HPS1: variants seen among roughly 807,000 people sequenced by gnomAD.
HPS1 encodes the protein HPS1 biogenesis of lysosomal organelles complex 3 subunit 1.
HPS1 carries 59 observed loss-of-function variants against 90.6 expected under a neutral mutation model. That is an observed-to-expected ratio of 0.65 (90% confidence interval 0.53 to 0.81). The LOEUF (loss-of-function observed/expected upper bound fraction) is 0.81, where lower values mean the gene tolerates loss of function less well. HPS1 is among the 30% of genes least tolerant of loss of function. HPS1 has a pLI of 0.00. For missense variants in HPS1, 849 were observed against 896.7 expected (o/e 0.95, Z 0.68); for synonymous variants, 388 against 384.4 (o/e 1.01, Z -0.11).
At chr10:98,420,892 G>A (rs531093434) in intron 17 of HPS1, among the ~76,000 whole-genome samples, 2 of 152,286 alleles carry the variant, frequency 1.3e-5, no homozygotes, top group East Asian at 3.9e-4. Context: ...GATGGCACAG[G>A]TGAGTGACCC....
intron 16 of HPS1, 76 bp from the exon 17 acceptor site, chr10:98,422,589 C>T: frequency 1.4e-6 from 2 of 1,475,136 alleles, no homozygotes; most frequent in Non-Finnish European, 9.5e-7. Flanking sequence ...TCTAGCTGTG[C>T]CCAGTCATGG....
intron 18 of HPS1, among the ~76,000 whole-genome samples, 181 bp from the exon 19 acceptor site, chr10:98,418,438 G>A (rs1844406651): frequency 6.6e-6 from 1 of 152,186 alleles, no homozygotes; most frequent in African/African-American, 2.4e-5. Flanking sequence ...GAACATTAGA[G>A]AAAAAGTATA....
At chr10:98,414,954 A>G, downstream of HPS1, 4 of 1,582,478 alleles carry the variant, frequency 2.5e-6, no homozygotes, top group Non-Finnish European at 3.4e-6. Flanking sequence ...CCAAGCTCTG[A>G]GCAGGGCTGT....
intron 6 of HPS1, 85 bp downstream of exon 6, chr10:98,433,898 T>G: frequency 1.3e-6 from 2 of 1,529,252 alleles, no homozygotes; most frequent in South Asian, 2.4e-5. Flanking sequence ...CTTCATTCAT[T>G]AGGGTTAAAA....
At position 98,431,218 on chromosome 10, in the gene HPS1, G is replaced by A; in HGVS notation, c.581C>T (p.Ala194Val). The A allele has an allele frequency of 1.9e-6, 3 of 1,614,088 alleles. No individual in the cohort carries two copies. Among genetic ancestry groups the A allele is most frequent in the Non-Finnish European group, 2.5e-6 (3 of 1,180,036 alleles). ...IEALERHVIQAVNTSPERGGE... is the reference protein window; with the variant it reads ...IEALERHVIQVVNTSPERGGE... ...TCCCCGCTCGGGGCTGGTGTTGACAGCCTGGATGACGTGCCGCTCCAGCGC... is the reference window on the plus strand; with the variant it reads ...TCCCCGCTCGGGGCTGGTGTTGACAACCTGGATGACGTGCCGCTCCAGCGC... The change falls in exon 7 of 20, where the codon GCT becomes GTT. Residue 194 changes from alanine to valine, a missense_variant. Ala to Val is a moderately conservative substitution (Grantham distance 64, BLOSUM62 0). Coordinates refer to ENST00000361490, the MANE Select transcript of HPS1 (RefSeq NM_000195.5).
chr10:98,434,656 G>A (rs1232674300), intron 5 of HPS1, among the ~76,000 whole-genome samples: 4 of 151,928 alleles, frequency 2.6e-5, no homozygotes, highest in South Asian at 2.1e-4. Context: ...TTCACACTCC[G>A]CAGCTTCCCA....
At chr10:98,424,573 C>T (rs573287596) in intron 13 of HPS1, among the ~76,000 whole-genome samples, 199 bp from the exon 14 acceptor site, 2 of 151,854 alleles carry the variant, frequency 1.3e-5, no homozygotes, top group Non-Finnish European at 1.5e-5. Flanking sequence ...CACTCAGCAG[C>T]GTTTATTTAA....
intron 18 of HPS1, among the ~76,000 whole-genome samples, chr10:98,418,536 C>A (rs765686099): frequency 6.6e-6 from 1 of 152,222 alleles, no homozygotes; most frequent in African/African-American, 2.4e-5. Flanking sequence ...GGAGGGCACC[C>A]TGCAGGGCTG....
rs574738945 is a variant in HPS1, at chr10:98,435,393, C to T, written c.277G>A (p.Ala93Thr). ...LHLFGECLFI[A>T]INGDHTESEG... ...CTCTCGGTGTGGTCACCATTGATGG[C>T]AATGAACAGGCATTCTCCAAACTGC... is the stretch of plus-strand genomic sequence containing the variant. Residue 93 changes from alanine to threonine, a missense_variant, in exon 5 of 20, where the codon GCC (alanine) becomes ACC (threonine). Ala to Thr is a moderately conservative substitution (Grantham distance 58, BLOSUM62 0). Coordinates refer to ENST00000361490, the MANE Select transcript of HPS1 (RefSeq NM_000195.5). The surrounding 1 kb of genome is among the most constrained non-coding windows in gnomAD (Gnocchi z 4.3). The T allele has an allele frequency of 1.1e-5, 17 of 1,613,816 alleles. No individual in the cohort carries two copies. The South Asian group carries it at 1.6e-4, about 16-fold the overall frequency.
rs1847255709 is a variant in HPS1 at position 98,435,900 on chromosome 10, C to A, written c.118-128G>T. The A allele has an allele frequency of 1.7e-6, 2 of 1,200,496 alleles. No homozygotes were observed. The highest frequency in any genetic ancestry group is 2.4e-6 in the Non-Finnish European group (2 of 839,706). 74.4% of individuals were successfully genotyped at this position (1,200,496 alleles called of 1,614,324 possible). A position where few individuals can be genotyped will look rare whatever the true frequency, so the allele number is the denominator to read the frequency against. Reference sequence around the variant, plus strand: ...GACCCTCCTGGGAGGGTATCACTGTCCTGGTAGGGAGGGGAGCAAAAAGAG... The same window carrying A: ...GACCCTCCTGGGAGGGTATCACTGTACTGGTAGGGAGGGGAGCAAAAAGAG... On this transcript the variant is annotated intron_variant, in intron 3 of 19. Coordinates refer to ENST00000361490, the MANE Select transcript of HPS1 (RefSeq NM_000195.5). This position sits in a 1 kb window ranked among gnomAD's most constrained non-coding sequence, Gnocchi z 4.3.
intron 1 of HPS1, among the ~76,000 whole-genome samples, chr10:98,446,440 C>G (rs1939577474): frequency 6.6e-6 from 1 of 152,256 alleles, no homozygotes; most frequent in Non-Finnish European, 1.5e-5. Flanking sequence ...CCACTTTCAC[C>G]ATCTGGACCC....
In HPS1 at chr10:98,425,554, G is replaced by A. The variant is rs756929562; in HGVS notation, c.1322C>T (p.Ala441Val). The change falls in exon 13 of 20, where the codon GCA becomes GTA. Residue 441 changes from alanine to valine, a missense_variant. Ala to Val is a moderately conservative substitution (Grantham distance 64). Coordinates refer to ENST00000361490, the MANE Select transcript of HPS1 (RefSeq NM_000195.5). The part of the protein sequence containing the change: ...RMDKFVKNRG[A>V]QEIQSTWLEF... ...CTTGGGTCTCACCTGAATCTCCTGT[G>A]CCCCTCGATTCTTGACAAACTTGTC... is the stretch of plus-strand genomic sequence containing the variant. The A allele has an allele frequency of 1.2e-6, 2 of 1,611,296 alleles. No homozygotes were observed. The highest frequency in any genetic ancestry group is 1.7e-5 in the Admixed American group (1 of 59,690).
intron 1 of HPS1, among the ~76,000 whole-genome samples, chr10:98,446,574 G>A (rs1939616846): frequency 1.3e-5 from 2 of 152,280 alleles, no homozygotes; most frequent in East Asian, 1.9e-4. Flanking sequence ...GCCGCCGCGG[G>A]GCTCCCGTTT....
At chr10:98,418,905 G>A (rs1844473126) in intron 18 of HPS1, among the ~76,000 whole-genome samples, 1 of 152,250 alleles carries the variant, frequency 6.6e-6, no homozygotes, top group Non-Finnish European at 1.5e-5. Flanking sequence ...AAAGGTCACA[G>A]GAATTTTCTA....
At chr10:98,421,979 G>GACACACACACAC (rs200573934) in intron 17 of HPS1, among the ~76,000 whole-genome samples, 5,024 of 139,980 alleles carry the variant, frequency 0.036, 126 homozygotes, top group East Asian at 0.081. Context: ...CACACACACA[G>GACACACACACAC]ACACACACAC....
downstream of HPS1, chr10:98,414,882 C>T: frequency 7.2e-7 from 1 of 1,398,098 alleles, no homozygotes; most frequent in South Asian, 1.6e-5. Flanking sequence ...AGCGTATAAA[C>T]TTCTGGCTGG....
At chr10:98,427,386 C>CTGCGTGGA in intron 10 of HPS1, 122 bp from the exon 11 acceptor site, 3 of 779,758 alleles carry the variant, frequency 3.8e-6, no homozygotes, top group Non-Finnish European at 6.5e-6. Context: ...GCCAGCTCCA[C>CTGCGTGGA]GCAGGGGTGC....
At position 98,418,248 on chromosome 10, in the gene HPS1, G is replaced by A. The variant is rs924904288; in HGVS notation, c.1867C>T (p.Leu623Phe). The A allele has an allele frequency of 2.2e-5, 35 of 1,607,194 alleles. No individual in the cohort carries two copies. The highest frequency in any genetic ancestry group is 2.9e-5 in the Non-Finnish European group (34 of 1,175,092). The change falls in exon 19 of 20, where the codon CTC becomes TTC. Residue 623 changes from leucine (L) to phenylalanine (F), a missense_variant. Leu to Phe is a conservative substitution (Grantham distance 22). Transcript: ENST00000361490. ...AGGACGGGCACCTCGATCATCTGGA[G>A]TTTGTACCCCTGAGGAGGGAGGACA... ...LWFENDMGYKLQMIEVPVLSD... is the reference protein window; with the variant it reads ...LWFENDMGYKFQMIEVPVLSD...
chr10:98,443,849 A>G (rs565521739), intron 2 of HPS1, among the ~76,000 whole-genome samples: 102 of 152,318 alleles, frequency 6.7e-4, no homozygotes, highest in African/African-American at 2.3e-3. Context: ...CCTGGCCAAC[A>G]TGGTGAAACC....
Sources: allele counts gnomAD v4.1 joint callset (sites outside exome capture counted in the v4.1 genomes callset), GRCh38; gene constraint gnomAD v4.1.1; non-coding constraint Gnocchi (gnomAD v3.1); transcripts MANE v1.5; gene names NCBI Gene and HGNC (gene_info 2026-07-23, HGNC 2026-07-21).